The following EPS8 variants were observed in gnomAD, a reference collection of about 807,000 sequenced individuals.
EPS8 encodes epidermal growth factor receptor kinase substrate 8.
A neutral mutation model predicts 103.8 loss-of-function variants in EPS8; 42 were observed. The ratio of observed to expected loss-of-function variants is 0.40; its 90% CI spans 0.32 to 0.52. The LOEUF is 0.52. Ranked by LOEUF, EPS8 falls within the 20% of genes least tolerant of loss-of-function variation. EPS8 has a pLI of 0.40. For missense variants in EPS8, 969 were observed against 1,005.1 expected, an observed-to-expected ratio of 0.96 and a Z score of 0.49; for synonymous variants, 344 against 344.6, an observed-to-expected ratio of 1.00 and a Z score of 0.02.
chr12:15,694,902 A>C (rs192341589), intron 1 of EPS8, among the ~76,000 whole-genome samples: 15 of 152,294 alleles, frequency 9.8e-5, no homozygotes, highest in African/African-American at 3.6e-4. Flanking sequence ...ACCAGCAGTA[A>C]ATTTTTTCAT....
In EPS8 at chr12:15,620,875, A is replaced by G. The variant is rs1944851829; in HGVS notation, c.*442T>C. ...TTGAGTATGTCAGAGAAGAGACTTA[A>G]GTAAGCAGAGGCTAGCCTACAGTGA... is the stretch of plus-strand genomic sequence containing the variant. On this transcript the variant is annotated 3_prime_UTR_variant, in exon 21 of 21. Coordinates refer to ENST00000281172, the MANE Select transcript of EPS8 (RefSeq NM_004447.6). 1 of 153,106 alleles carries G rather than the reference A, an allele frequency of 6.5e-6. No individual in the cohort carries two copies. Among genetic ancestry groups the G allele is most frequent in the Non-Finnish European group, 1.5e-5 (1 of 68,716 alleles). 9.5% of individuals were successfully genotyped at this position (153,106 alleles called of 1,614,324 possible).
At chr12:15,676,123 A>C (rs1268803031) in intron 3 of EPS8, among the ~76,000 whole-genome samples, 5 of 151,830 alleles carry the variant, frequency 3.3e-5, no homozygotes, top group Admixed American at 3.3e-4. Flanking sequence ...ATACAAAAAA[A>C]TTAGCCAGGC....
At position 15,735,156 on chromosome 12, in the gene EPS8, CA is replaced by C. The variant is rs1387367289; in HGVS notation, c.-21-52185del. ...TGATTTAAGTATACTAATTTTTCTA[CA>C]AATGAACTCACCTCAGAAATGAAAA... On this transcript the variant is annotated intron_variant, in intron 1 of 20. Coordinates refer to ENST00000281172, the MANE Select transcript of EPS8 (RefSeq NM_004447.6). The surrounding 1 kb of genome is among the most constrained non-coding windows in gnomAD (Gnocchi z 4.4). Among the ~76,000 whole-genome samples the C allele has an allele frequency of 1.3e-5, 2 of 152,174 alleles. No homozygotes were observed. Among genetic ancestry groups the C allele is most frequent in the Non-Finnish European group, 2.9e-5 (2 of 68,018 alleles).
rs1394687122 is a variant in EPS8 at position 15,626,586 on chromosome 12, G to A, written c.2045-2179C>T. ...GGAGGTTGCAGTGTGCCAAGATAGC[G>A]CCACTGTATTCCAGCCTGGCAACAG... On this transcript the variant is annotated intron_variant, in intron 18 of 20. Transcript: ENST00000281172. 5.5e-4 allele frequency among the ~76,000 whole-genome samples: 77 copies of A among 139,222 alleles called. 2 individuals are homozygous for A. The Admixed American group carries it at 5.9e-3, about 11-fold the overall frequency. 91.3% of individuals were successfully genotyped at this position (139,222 alleles called of 152,430 possible).
intron 1 of EPS8, among the ~76,000 whole-genome samples, chr12:15,722,951 A>AT (rs932714662): frequency 4.0e-5 from 6 of 149,802 alleles, no homozygotes; most frequent in Admixed American, 1.3e-4. Context: ...CTACCAGTAG[A>AT]TTTTTTTTTC....
intron 17 of EPS8, chr12:15,634,733 GGTTACCTCT>G (rs1945107088): frequency 2.5e-6 from 1 of 398,688 alleles, no homozygotes; most frequent in Non-Finnish European, 4.4e-6. Context: ...AACGAATGTG[GGTTACCTCT>G]GACAGCTCGC....
In EPS8 at chr12:15,734,632, T is replaced by G. The variant is rs1182112519; in HGVS notation, c.-21-51660A>C. Among the ~76,000 whole-genome samples, 1 of 151,984 alleles carries G rather than the reference T, an allele frequency of 6.6e-6. No homozygotes were observed. Among genetic ancestry groups the G allele is most frequent in the Non-Finnish European group, 1.5e-5 (1 of 67,988 alleles). ...TGGCGTGAACCTGGGAGGCGGACCT[T>G]GCAGTGAGCCGAGATCGCGCCACTG... is the stretch of plus-strand genomic sequence containing the variant. On this transcript the variant is annotated intron_variant, in intron 1 of 20. Transcript: ENST00000281172. The surrounding 1 kb of genome is among the most constrained non-coding windows in gnomAD (Gnocchi z 4.1).
rs1946665691 is a variant in EPS8 at position 15,727,452 on chromosome 12, A to C, written c.-21-44480T>G. On this transcript the variant is annotated intron_variant, in intron 1 of 20. Transcript: ENST00000281172. This position sits in a 1 kb window ranked among gnomAD's most constrained non-coding sequence, Gnocchi z 4.3. ...ATTTTAAACATAATTGAAACACTTT[A>C]ATATTTCCTTTAATGTTGGTAGATA... Among the ~76,000 whole-genome samples, 1 of 152,206 alleles carries C rather than the reference A, an allele frequency of 6.6e-6. No individual in the cohort carries two copies. The highest frequency in any genetic ancestry group is 1.5e-5 in the Non-Finnish European group (1 of 68,042).
chr12:15,695,360 G>A lies in EPS8; in HGVS notation c.-21-12388C>T, dbSNP rs921015799. ...CGCTCATTTAACAAATAATTACTACGTAACCAGAATGTGCCCATCAGTGCT... is the reference window on the plus strand; with the variant it reads ...CGCTCATTTAACAAATAATTACTACATAACCAGAATGTGCCCATCAGTGCT... On this transcript the variant is annotated intron_variant, in intron 1 of 20. Transcript: ENST00000281172. This position sits in a 1 kb window ranked among gnomAD's most constrained non-coding sequence, Gnocchi z 5.0. Among the ~76,000 whole-genome samples the A allele has an allele frequency of 4.6e-5, 7 of 152,248 alleles. No homozygotes were observed. The highest frequency in any genetic ancestry group is 5.9e-5 in the Non-Finnish European group (4 of 68,024).
chr12:15,715,995 C>T (rs1273782173), intron 1 of EPS8, among the ~76,000 whole-genome samples: 1 of 151,796 alleles, frequency 6.6e-6, no homozygotes, highest in African/African-American at 2.4e-5. Context: ...TATAATTCCT[C>T]GATGAGAAAA....
In EPS8 at chr12:15,634,141, T is replaced by C. The variant is rs115526741; in HGVS notation, c.1822-2477A>G. Among the ~76,000 whole-genome samples the C allele has an allele frequency of 3.0e-3, 464 of 152,326 alleles. 4 individuals are homozygous for C. Among genetic ancestry groups the C allele is most frequent in the African/African-American group, 0.011 (439 of 41,578 alleles). On this transcript the variant is annotated intron_variant, in intron 17 of 20. Transcript: ENST00000281172. ...AGAAATTCTGACTAACTGTTCTTGG[T>C]TGGCCTGAGACTTTCCCAGTAATTA...
rs1947322545 is a variant in EPS8, at chr12:15,787,462, A to AG, written c.-22+1698dup. Among the ~76,000 whole-genome samples the AG allele has an allele frequency of 6.6e-6, 1 of 152,214 alleles. No homozygotes were observed. The highest frequency in any genetic ancestry group is 1.5e-5 in the Non-Finnish European group (1 of 68,016). On this transcript the variant is annotated intron_variant, in intron 1 of 20. Coordinates refer to ENST00000281172, the MANE Select transcript of EPS8 (RefSeq NM_004447.6). The surrounding 1 kb of genome is among the most constrained non-coding windows in gnomAD (Gnocchi z 4.9). ...CAAAATTAGACATTAGGTTCCTGAC[A>AG]GGAAACAAAAGAAACATCACCCTAT...
intron 15 of EPS8, among the ~76,000 whole-genome samples, chr12:15,646,772 G>A (rs1392451553): frequency 1.3e-5 from 2 of 152,160 alleles, no homozygotes; most frequent in Non-Finnish European, 2.9e-5. Context: ...GATGGAAACT[G>A]TTTTCTTTAA....
chr12:15,681,596 G>A (rs1458015596), intron 2 of EPS8, among the ~76,000 whole-genome samples: 1 of 151,622 alleles, frequency 6.6e-6, no homozygotes, highest in African/African-American at 2.4e-5. Flanking sequence ...CGGGCGTTGT[G>A]GCGCATGCCT....
At chr12:15,678,173 A>C (rs775576955) in intron 3 of EPS8, among the ~76,000 whole-genome samples, 2 of 151,914 alleles carry the variant, frequency 1.3e-5, no homozygotes, top group Non-Finnish European at 2.9e-5. Flanking sequence ...AAGCTACCTA[A>C]AAAAAAACTT....
chr12:15,622,896 G>C (rs1228400295), intron 20 of EPS8, among the ~76,000 whole-genome samples: 3 of 151,966 alleles, frequency 2.0e-5, no homozygotes, highest in African/African-American at 7.3e-5. Context: ...TATAGAATTA[G>C]TCAATACATA....
rs199543262 is a variant in EPS8 at position 15,669,639 on chromosome 12, A to T, written c.366+25T>A. On this transcript the variant is annotated intron_variant, in intron 5 of 20. Transcript: ENST00000281172. ...TATTTGTGGAGTTTCTTGAAAATAA[A>T]ATAGTATAAATTTTACACACTTGCC... The T allele has an allele frequency of 1.0e-3, 1,588 of 1,567,562 alleles. 1 individual carries two copies. Among genetic ancestry groups the T allele is most frequent in the Admixed American group, 3.4e-3 (175 of 51,844 alleles).
Position 15,776,194 on chromosome 12 carries a change from G to C in EPS8, c.-22+12967C>G, listed in dbSNP as rs1947205077. On this transcript the variant is annotated intron_variant, in intron 1 of 20. Coordinates refer to ENST00000281172, the MANE Select transcript of EPS8 (RefSeq NM_004447.6). This position sits in a 1 kb window ranked among gnomAD's most constrained non-coding sequence, Gnocchi z 4.2. ...ATTGGTATGGTTGATATCAGTAACA[G>C]AAATAGCAAGAATAATTAGAAAGGG... Among the ~76,000 whole-genome samples, 1 of 152,102 alleles carries C rather than the reference G, an allele frequency of 6.6e-6. No individual in the cohort carries two copies. The highest frequency in any genetic ancestry group is 2.4e-5 in the African/African-American group (1 of 41,436).
intron 1 of EPS8, among the ~76,000 whole-genome samples, chr12:15,750,261 G>A (rs1478951300): frequency 6.6e-6 from 1 of 152,128 alleles, no homozygotes; most frequent in Non-Finnish European, 1.5e-5. Flanking sequence ...TCCTATGGCA[G>A]ACATACATGC....
Sources: allele counts gnomAD v4.1 joint callset (sites outside exome capture counted in the v4.1 genomes callset), GRCh38; gene constraint gnomAD v4.1.1; non-coding constraint Gnocchi (gnomAD v3.1); transcripts MANE v1.5; gene names NCBI Gene and HGNC (gene_info 2026-07-23, HGNC 2026-07-21).